Variants in RBFOX1 observed in about 807,000 individuals in gnomAD.
RBFOX1 encodes the protein RNA binding protein fox-1 homolog 1.
A neutral mutation model predicts 57.7 loss-of-function variants in RBFOX1; 8 were observed. That is an observed-to-expected ratio of 0.14 (90% CI 0.08 to 0.25). The LOEUF is 0.25. RBFOX1 is among the 10% of genes least tolerant of loss of function. The pLI is 1.00. For synonymous variants in RBFOX1, 326 were observed against 222.4 expected (o/e 1.47, Z -4.15); for missense variants, 611 against 548.5 (o/e 1.11, Z -1.14).
chr16:6,369,071 G>A (rs1005694259), intron 2 of RBFOX1, among the ~76,000 whole-genome samples: 2 of 152,088 alleles, frequency 1.3e-5, no homozygotes, highest in African/African-American at 4.8e-5. Flanking sequence ...ATTTCTTAGG[G>A]ATATATGTAT....
At chr16:6,164,281 A>G (rs2096899967) in intron 1 of RBFOX1, among the ~76,000 whole-genome samples, 1 of 152,152 alleles carries the variant, frequency 6.6e-6, no homozygotes, top group Non-Finnish European at 1.5e-5. Flanking sequence ...AGATTTTTAA[A>G]AATATAAGCC....
chr16:6,704,527 C>A (rs8061082), intron 3 of RBFOX1: 6 of 152,196 alleles, frequency 3.9e-5, no homozygotes, highest in Admixed American at 6.5e-5. Context: ...TTCTACACCC[C>A]CCTTGGGTCT....
At chr16:6,687,029 T>A (rs73533766) in intron 3 of RBFOX1, among the ~76,000 whole-genome samples, 1 of 152,346 alleles carries the variant, frequency 6.6e-6, no homozygotes, top group African/African-American at 2.4e-5. Context: ...TTAAACTCAT[T>A]TCAGAAATCT....
chr16:6,837,188 G>A (rs746742520), intron 3 of RBFOX1, among the ~76,000 whole-genome samples: 1 of 152,188 alleles, frequency 6.6e-6, no homozygotes, highest in African/African-American at 2.4e-5. Flanking sequence ...CTAAAATCAG[G>A]TTAGGTTGTA....
intron 1 of RBFOX1, among the ~76,000 whole-genome samples, chr16:5,440,255 T>C (rs1312641472): frequency 6.6e-6 from 1 of 152,224 alleles, no homozygotes; most frequent in Non-Finnish European, 1.5e-5. Context: ...TCTTTAGATA[T>C]CGTTCCAGGT....
chr16:6,663,736 T>G (rs993609311), intron 3 of RBFOX1, among the ~76,000 whole-genome samples: 2 of 152,210 alleles, frequency 1.3e-5, no homozygotes, highest in African/African-American at 4.8e-5. Context: ...GCTCCAAAAT[T>G]CCTGGAATCT....
intron 10 of RBFOX1, among the ~76,000 whole-genome samples, chr16:7,629,433 C>T (rs1256830336): frequency 6.6e-6 from 1 of 152,134 alleles, no homozygotes; most frequent in African/African-American, 2.4e-5. Context: ...AGGTTGGCTT[C>T]TTATCATGGG....
chr16:7,073,011 G>GT (rs2057636209), intron 4 of RBFOX1, among the ~76,000 whole-genome samples: 1 of 152,206 alleles, frequency 6.6e-6, no homozygotes, highest in African/African-American at 2.4e-5. Context: ...GTCAGGCTTT[G>GT]TGAGTCCTCA....
At chr16:6,902,397 G>A (rs1336241315) in intron 3 of RBFOX1, among the ~76,000 whole-genome samples, 1 of 152,166 alleles carries the variant, frequency 6.6e-6, no homozygotes, top group African/African-American at 2.4e-5. Context: ...CAAGAGGAAA[G>A]TCTTCCAGGC....
At chr16:6,742,651 A>G (rs1455756312) in intron 3 of RBFOX1, among the ~76,000 whole-genome samples, 2 of 152,238 alleles carry the variant, frequency 1.3e-5, no homozygotes, top group African/African-American at 2.4e-5. Context: ...CTATTCAGCA[A>G]TAAAAACTGA....
intron 2 of RBFOX1, among the ~76,000 whole-genome samples, chr16:6,646,464 T>C (rs756004778): frequency 1.3e-5 from 2 of 152,170 alleles, no homozygotes; most frequent in Non-Finnish European, 2.9e-5. Context: ...CGCTCTTTTC[T>C]GTCGCTTGCG....
chr16:6,765,536 A>G (rs918580640), intron 3 of RBFOX1, among the ~76,000 whole-genome samples: 1 of 151,984 alleles, frequency 6.6e-6, no homozygotes, highest in Non-Finnish European at 1.5e-5. Flanking sequence ...TTAAGAAAAA[A>G]AGAATGCTGG....
At chr16:5,659,571 G>A (rs558733736) in intron 3 of RBFOX1, among the ~76,000 whole-genome samples, 1 of 152,178 alleles carries the variant, frequency 6.6e-6, no homozygotes, top group Middle Eastern at 3.4e-3. Flanking sequence ...CCAAAGTGCT[G>A]GGATTACAGG....
chr16:7,282,013 G>A (rs570266390), intron 4 of RBFOX1, among the ~76,000 whole-genome samples: 19 of 151,580 alleles, frequency 1.3e-4, no homozygotes, highest in African/African-American at 3.9e-4. Context: ...CCACAGGCGC[G>A]TGCCATCACG....
chr16:7,289,200 T>C (rs1366045829), intron 4 of RBFOX1, among the ~76,000 whole-genome samples: 3 of 152,162 alleles, frequency 2.0e-5, no homozygotes, highest in South Asian at 2.1e-4. Flanking sequence ...TTTGCTTCCT[T>C]AGTCAAACAC....
chr16:6,696,434 C>T (rs2061060241), intron 3 of RBFOX1, among the ~76,000 whole-genome samples: 1 of 152,082 alleles, frequency 6.6e-6, no homozygotes, highest in Non-Finnish European at 1.5e-5. Context: ...GCTTTTTCAT[C>T]CCCTCTGAAA....
chr16:7,373,855 G>C (rs553606233), intron 4 of RBFOX1, among the ~76,000 whole-genome samples: 3 of 152,208 alleles, frequency 2.0e-5, no homozygotes, highest in Admixed American at 6.5e-5. Flanking sequence ...AAGATGCTCA[G>C]CTTCTCGTGA....
rs138572543 is a variant in RBFOX1, at chr16:6,024,742, T to G, written c.-127+4750T>G. 3.0e-3 allele frequency among the ~76,000 whole-genome samples: 460 copies of G among 152,284 alleles called. 2 individuals are homozygous for G. The highest frequency in any genetic ancestry group is 0.011 in the African/African-American group (440 of 41,572). On this transcript the variant is annotated intron_variant, in intron 1 of 15. Transcript: ENST00000550418. Reference sequence around the variant, plus strand: ...GTGATCCACCCGCCTCCTCGGCCTCTCAAAGTGCTAGGATTACAGGCGTGA... The same window carrying G: ...GTGATCCACCCGCCTCCTCGGCCTCGCAAAGTGCTAGGATTACAGGCGTGA...
chr16:5,420,594 G>A (rs2067288553), intron 1 of RBFOX1, among the ~76,000 whole-genome samples: 2 of 151,528 alleles, frequency 1.3e-5, no homozygotes, highest in East Asian at 2.0e-4. Flanking sequence ...CTGCAATCTT[G>A]ACCTCCCCAG....
Sources: gnomAD v4.1 joint callset for allele counts (sites outside exome capture counted in the v4.1 genomes callset) on GRCh38, gnomAD v4.1.1 for gene constraint, MANE v1.5 for transcripts, NCBI Gene and HGNC (gene_info 2026-07-23, HGNC 2026-07-21) for gene names.